Variants in SMIM41 observed in about 807,000 individuals in gnomAD.
SMIM41 encodes the protein small integral membrane protein 41.
At chr12:52,093,319 C>T (rs1223496239) in intron 2 of SMIM41, among the ~76,000 whole-genome samples, 1 of 152,214 alleles carries the variant, frequency 6.6e-6, no homozygotes, top group African/African-American at 2.4e-5. Flanking sequence ...GGAAATGTAG[C>T]CCCAGAATTT....
intron 2 of SMIM41, among the ~76,000 whole-genome samples, chr12:52,094,487 GC>G (rs1940057506): frequency 6.6e-6 from 1 of 152,142 alleles, no homozygotes; most frequent in Non-Finnish European, 1.5e-5. Flanking sequence ...ACAGGCCTGA[GC>G]CACTGTGCCC....
Position 52,081,634 on chromosome 12 carries a change from C to T in SMIM41, c.*120+1453C>T, listed in dbSNP as rs768521177. Among the ~76,000 whole-genome samples, 7 of 152,150 alleles carry T rather than the reference C, an allele frequency of 4.6e-5. No homozygotes were observed. The highest frequency in any genetic ancestry group is 1.0e-4 in the Non-Finnish European group (7 of 68,012). ...GGCTGGGCCCAGGGGACATTCCCCC[C>T]TCCCTTTGCTGGGGGAGAGGGTGGG... is the stretch of plus-strand genomic sequence containing the variant. On this transcript the variant is annotated intron_variant, in intron 1 of 2. Transcript: ENST00000546390. The surrounding 1 kb of genome is among the most constrained non-coding windows in gnomAD (Gnocchi z 4.1).
intron 1 of SMIM41, among the ~76,000 whole-genome samples, chr12:52,083,240 G>C (rs949633167): frequency 5.3e-5 from 8 of 151,944 alleles, no homozygotes; most frequent in African/African-American, 1.9e-4. Flanking sequence ...GGCAGCAACG[G>C]TCTGACAGTG....
Position 52,080,008 on chromosome 12 carries a change from C to T in SMIM41, c.229C>T (p.Arg77Cys), listed in dbSNP as rs898622529. The change falls in exon 1 of 3, where the codon CGC becomes TGC. Residue 77 changes from arginine (R) to cysteine (C), a missense_variant. Coordinates refer to ENST00000546390, the MANE Select transcript of SMIM41 (RefSeq NM_001369216.1). ...GCTGACCCGCGAGCAGCGCGCGTCC[C>T]GCGAGCCCGAGCCGGGCAGTGCCAG... ...ALLTREQRAS[R>C]EPEPGSASGE... 2 of 374,304 alleles carry T rather than the reference C, an allele frequency of 5.3e-6. No homozygotes were observed. Among genetic ancestry groups the T allele is most frequent in the African/African-American group, 4.2e-5 (2 of 47,510 alleles). The allele number at this position is 374,304 out of a possible 1,614,324, so 23.2% of individuals were successfully genotyped here.
In SMIM41 at chr12:52,081,414, G is replaced by A. The variant is rs571033033; in HGVS notation, c.*120+1233G>A. The stretch of plus-strand genomic sequence containing the variant: ...AAGCAGCTGCGAAGCTAACGACAAC[G>A]TGTGATCCCTGCCCAGCAGCCCAGG... On this transcript the variant is annotated intron_variant, in intron 1 of 2. Coordinates refer to ENST00000546390, the MANE Select transcript of SMIM41 (RefSeq NM_001369216.1). This position sits in a 1 kb window ranked among gnomAD's most constrained non-coding sequence, Gnocchi z 4.1. Among the ~76,000 whole-genome samples, 3 of 152,192 alleles carry A rather than the reference G, an allele frequency of 2.0e-5. No individual in the cohort carries two copies. The East Asian group carries it at 5.8e-4, about 29-fold the overall frequency.
At chr12:52,084,247 G>T (rs1159870568) in intron 2 of SMIM41, among the ~76,000 whole-genome samples, 1 of 151,910 alleles carries the variant, frequency 6.6e-6, no homozygotes, top group Non-Finnish European at 1.5e-5. Flanking sequence ...GGCGGTGCAT[G>T]CCTATAATGG....
intron 2 of SMIM41, among the ~76,000 whole-genome samples, chr12:52,101,046 G>A (rs1209317470): frequency 1.3e-5 from 2 of 152,108 alleles, no homozygotes; most frequent in African/African-American, 4.8e-5. Flanking sequence ...AAATGGATGA[G>A]ATTACAGGTC....
chr12:52,098,122 C>A (rs1446602426), intron 2 of SMIM41, among the ~76,000 whole-genome samples: 1 of 133,378 alleles, frequency 7.5e-6, no homozygotes. Context: ...CTGGATATGA[C>A]GAACAATGTC....
chr12:52,101,900 C>T (rs150759308), intron 2 of SMIM41, among the ~76,000 whole-genome samples: 2,168 of 152,030 alleles, frequency 0.014, 57 homozygotes, highest in African/African-American at 0.049. Context: ...TTAGTAGAGA[C>T]GGGGGTTTTT....
rs1160654306 is a variant in SMIM41, at chr12:52,079,897, C to T, written c.118C>T (p.Leu40Phe). ...EGPRAVQAVV[L>F]GVLSLLVLCG... ...GCCGCGCGCGGTGCAGGCGGTGGTG[C>T]TCGGCGTGCTGTCCCTGCTGGTGCT... The change falls in exon 1 of 3, where the codon CTC becomes TTC. Residue 40 changes from leucine (L) to phenylalanine (F), a missense_variant. Transcript: ENST00000546390. The T allele has an allele frequency of 2.6e-6, 1 of 389,446 alleles. No homozygotes were observed. Among genetic ancestry groups the T allele is most frequent in the Non-Finnish European group, 4.5e-6 (1 of 220,058 alleles). 24.1% of individuals were successfully genotyped at this position (389,446 alleles called of 1,614,324 possible). A position where few individuals can be genotyped will look rare whatever the true frequency, so the allele number is the denominator to read the frequency against.
At chr12:52,094,484 T>C (rs1238162443) in intron 2 of SMIM41, among the ~76,000 whole-genome samples, 3 of 152,228 alleles carry the variant, frequency 2.0e-5, no homozygotes, top group Admixed American at 6.5e-5. Context: ...ATTACAGGCC[T>C]GAGCCACTGT....
chr12:52,099,192 G>A (rs536934543), intron 2 of SMIM41, among the ~76,000 whole-genome samples: 7 of 151,976 alleles, frequency 4.6e-5, no homozygotes, highest in African/African-American at 1.7e-4. Context: ...GTTTCACAGG[G>A]GTGTGTACAC....
intron 2 of SMIM41, among the ~76,000 whole-genome samples, chr12:52,104,824 GA>G (rs1420094952): frequency 6.6e-6 from 1 of 152,174 alleles, no homozygotes; most frequent in Non-Finnish European, 1.5e-5. Flanking sequence ...AGGTGATGAT[GA>G]GGATAAAGAG....
rs144772156 is a variant in SMIM41, at chr12:52,090,356, T to C, written c.*195+6388T>C. Among the ~76,000 whole-genome samples, 1,094 of 149,442 alleles carry C rather than the reference T, an allele frequency of 7.3e-3. 10 individuals are homozygous for C. The highest frequency in any genetic ancestry group is 0.026 in the African/African-American group (1,052 of 40,322). On this transcript the variant is annotated intron_variant, in intron 2 of 2. Transcript: ENST00000546390. ...CCTCAGCCTCCCAAAGTGTTGGGAT[T>C]ACAGGTGTGAGCCACTGTGCCCGGC...
intron 2 of SMIM41, among the ~76,000 whole-genome samples, chr12:52,102,863 C>G (rs930601196): frequency 6.6e-6 from 1 of 152,082 alleles, no homozygotes; most frequent in African/African-American, 2.4e-5. Context: ...GGGTTCCTAC[C>G]AAAAAGAATT....
At chr12:52,082,363 G>T (rs1410173930) in intron 1 of SMIM41, among the ~76,000 whole-genome samples, 4 of 151,988 alleles carry the variant, frequency 2.6e-5, no homozygotes, top group Admixed American at 2.6e-4. Context: ...GTGTAGAGGT[G>T]GGGGCAAAGG....
intron 2 of SMIM41, among the ~76,000 whole-genome samples, chr12:52,106,575 C>A (rs1940343967): frequency 6.6e-6 from 1 of 152,286 alleles, no homozygotes; most frequent in East Asian, 1.9e-4. Flanking sequence ...ATCTCATGAC[C>A]TCGTGATCTG....
Position 52,081,493 on chromosome 12 carries a change from C to T in SMIM41, c.*120+1312C>T, listed in dbSNP as rs1345457081. Among the ~76,000 whole-genome samples, 1 of 152,126 alleles carries T rather than the reference C, an allele frequency of 6.6e-6. No homozygotes were observed. Among genetic ancestry groups the T allele is most frequent in the African/African-American group, 2.4e-5 (1 of 41,412 alleles). On this transcript the variant is annotated intron_variant, in intron 1 of 2. Transcript: ENST00000546390. The surrounding 1 kb of genome is among the most constrained non-coding windows in gnomAD (Gnocchi z 4.1). ...CACACTGGCCTTGCTGAGCCAGGGA[C>T]TTCTCACCTCAGGGCCCCCTCAGCT...
intron 1 of SMIM41, among the ~76,000 whole-genome samples, chr12:52,083,023 C>T (rs1391625186): frequency 6.6e-6 from 1 of 152,170 alleles, no homozygotes. Context: ...GCTGCTGCCT[C>T]TGAACTGCTC....
Sources: gnomAD v4.1 joint callset for allele counts (sites outside exome capture counted in the v4.1 genomes callset) on GRCh38, gnomAD v4.1.1 for gene constraint, Gnocchi (gnomAD v3.1) non-coding constraint, MANE v1.5 for transcripts, NCBI Gene and HGNC (gene_info 2026-07-23, HGNC 2026-07-21) for gene names.